Variants in TMEM94 observed in about 807,000 individuals in gnomAD.
The protein encoded by TMEM94 is transmembrane protein 94.
TMEM94 carries 81 observed loss-of-function variants against 158.6 expected under a neutral mutation model. That is an observed-to-expected ratio of 0.51 (90% confidence interval 0.43 to 0.61). The LOEUF (loss-of-function observed/expected upper bound fraction) is 0.61, where lower values mean the gene tolerates loss of function less well. TMEM94 is among the 20% of genes least tolerant of loss of function. The pLI, the probability that TMEM94 is intolerant of heterozygous loss-of-function variation, is 0.00. For missense variants in TMEM94, 1,435 were observed against 1,762.0 expected (o/e 0.81, Z 3.32); for synonymous variants, 751 against 730.7 (o/e 1.03, Z -0.45).
chr17:75,471,776 G>T, intron 1 of TMEM94, 24 bp from the exon 2 acceptor site: 2 of 907,590 alleles, frequency 2.2e-6, no homozygotes, highest in Non-Finnish European at 3.5e-6. Context: ...CAACCTGAGT[G>T]ATTTCTTTCT....
rs1243429894 is a variant in TMEM94 at position 75,488,020 on chromosome 17, C to G, written c.498C>G (p.His166Gln). The G allele has an allele frequency of 6.2e-7, 1 of 1,614,198 alleles. No homozygotes were observed. Among genetic ancestry groups the G allele is most frequent in the South Asian group, 1.1e-5 (1 of 91,076 alleles). Residue 166 changes from histidine (H) to glutamine (Q), a missense_variant, in exon 6 of 32, where the codon CAC (histidine) becomes CAG (glutamine). His to Gln is a conservative substitution (Grantham distance 24). Around this residue, in one of 3 missense-constraint regions of TMEM94, gnomAD observed 1,051 missense variants for 1,254.4 expected, o/e 0.84. Transcript: ENST00000314256. ...CTTTTGCGCCATCCTGGTCCTTGCA[C>G]TGGGCCTACAGAGACGGACACCTGG... ...HMPFAPSWSLHWAYRDGHLVN... is the reference protein window; with the variant it reads ...HMPFAPSWSLQWAYRDGHLVN...
chr17:75,465,679 A>ATATATATATATATATATATTTTTTTT (rs1247855961), intron 1 of TMEM94, among the ~76,000 whole-genome samples: 1 of 124,848 alleles, frequency 8.0e-6, no homozygotes, highest in Non-Finnish European at 1.6e-5. Flanking sequence ...ATATATATAT[A>ATATATATATATATATATATTTTTTTT]TTTTTTTTTA....
At chr17:75,458,011 A>G (rs1438662380) in intron 1 of TMEM94, among the ~76,000 whole-genome samples, 3 of 152,126 alleles carry the variant, frequency 2.0e-5, no homozygotes, top group African/African-American at 7.2e-5. Flanking sequence ...GCATTCAGTA[A>G]TTTTAAGAAG....
At chr17:75,464,600 TTCTTTCCTTCCTTTC>T (rs2050220366) in intron 1 of TMEM94, among the ~76,000 whole-genome samples, 1 of 59,970 alleles carries the variant, frequency 1.7e-5, no homozygotes, top group Non-Finnish European at 4.4e-5. Context: ...CTTTCTTTCT[TTCTTTCCTTCCTTTC>T]TTTCTTTCCT....
In TMEM94 at chr17:75,498,589, C is replaced by G. The variant is rs777230749; in HGVS notation, c.3734-40C>G. 1 of 1,613,042 alleles carries G rather than the reference C, an allele frequency of 6.2e-7. No individual in the cohort carries two copies. The highest frequency in any genetic ancestry group is 2.2e-5 in the East Asian group (1 of 44,882). ...GGATGATGGTGGGAGAGGAGCCCCA[C>G]TGTGGAAGTCTGACCCCCACATCGC... is the stretch of plus-strand genomic sequence containing the variant. On this transcript the variant is annotated intron_variant, in intron 29 of 31. Transcript: ENST00000314256. The surrounding 1 kb of genome is among the most constrained non-coding windows in gnomAD (Gnocchi z 6.7).
In TMEM94 at chr17:75,490,298, G is replaced by A. The variant is rs754191363; in HGVS notation, c.1019G>A (p.Cys340Tyr). The change falls in exon 10 of 32, where the codon TGT (cysteine) becomes TAT (tyrosine). Residue 340 changes from cysteine (C) to tyrosine (Y), a missense_variant. By Grantham distance (194) the Cys-to-Tyr change is radical (BLOSUM62 -2). Around this residue, in one of 3 missense-constraint regions of TMEM94, gnomAD observed 1,051 missense variants for 1,254.4 expected, o/e 0.84. Coordinates refer to ENST00000314256, the MANE Select transcript of TMEM94 (RefSeq NM_014738.6). ...FPVLWVLATA[C>Y]GEARVLAQMS... is the part of the protein sequence containing the mutation. The stretch of plus-strand genomic sequence containing the variant: ...GTCCTCTGGGTTCTGGCAACTGCCT[G>A]TGGAGAGGCCCGTGTCCTGGCCCAG... 1.9e-6 allele frequency: 3 copies of A among 1,614,110 alleles called. No homozygotes were observed. The South Asian group carries it at 3.3e-5, about 18-fold the overall frequency.
chr17:75,488,914 G>A lies in TMEM94; in HGVS notation c.764+4G>A, dbSNP rs200015410. The A allele has an allele frequency of 4.7e-4, 729 of 1,563,926 alleles. 1 individual carries two copies. Among genetic ancestry groups the A allele is most frequent in the Middle Eastern group, 2.7e-3 (16 of 5,822 alleles). On this transcript the variant is annotated splice_donor_region_variant and intron_variant, in intron 7 of 31. Transcript: ENST00000314256. ...CCCCTGTGATTGACAACATCAGGTA[G>A]GGGTGCTGCCCCGCCTCCTCCTGTC... is the stretch of plus-strand genomic sequence containing the variant.
In TMEM94 at chr17:75,498,168, C is replaced by T; in HGVS notation, c.3490-7C>T. 4.3e-6 allele frequency: 7 copies of T among 1,613,710 alleles called. No individual in the cohort carries two copies. The highest frequency in any genetic ancestry group is 1.6e-4 in the Middle Eastern group (1 of 6,062). ...CGCCCCAGGAGTGACTGGCCTTGTT[C>T]CCGCAGACCCAGCACTACTTCCTGC... On this transcript the variant is annotated splice_polypyrimidine_tract_variant and splice_region_variant and intron_variant, in intron 27 of 31. Transcript: ENST00000314256. This position sits in a 1 kb window ranked among gnomAD's most constrained non-coding sequence, Gnocchi z 6.7.
In TMEM94 at chr17:75,471,823, C is replaced by A. The variant is rs762188879; in HGVS notation, c.-83C>A. Reference sequence around the variant, plus strand: ...AGATGTTGTGACTGTGACAGACTCACTGGGGTTTGTACATGCTGGGGAGGA... The same window carrying A: ...AGATGTTGTGACTGTGACAGACTCAATGGGGTTTGTACATGCTGGGGAGGA... On this transcript the variant is annotated 5_prime_UTR_variant, in exon 2 of 32. In the 5' UTR this introduces an upstream ATG that the reference lacks. Transcript: ENST00000314256. The A allele has an allele frequency of 1.6e-5, 23 of 1,403,050 alleles. No individual in the cohort carries two copies. The East Asian group carries it at 4.8e-4, about 29-fold the overall frequency. The allele number at this position is 1,403,050 out of a possible 1,614,324, so 86.9% of individuals were successfully genotyped here.
intron 18 of TMEM94, among the ~76,000 whole-genome samples, chr17:75,494,179 G>A (rs2052475751): frequency 6.6e-6 from 1 of 152,198 alleles, no homozygotes; most frequent in Non-Finnish European, 1.5e-5. Flanking sequence ...GTATCAGAAT[G>A]CTTTCCTGGG....
rs1488760180 is a variant in TMEM94 at position 75,490,136 on chromosome 17, C to T, written c.955-98C>T. ...CTGCCCCTGAGAGAGCTGGCCCTTC[C>T]TGCCCAGGGAATGGCCGTGGGGCCA... is the stretch of plus-strand genomic sequence containing the variant. On this transcript the variant is annotated intron_variant, in intron 9 of 31. Coordinates refer to ENST00000314256, the MANE Select transcript of TMEM94 (RefSeq NM_014738.6). 2.6e-6 allele frequency: 4 copies of T among 1,512,712 alleles called. No homozygotes were observed. The African/African-American group carries it at 5.6e-5, about 21-fold the overall frequency. 93.7% of individuals were successfully genotyped at this position (1,512,712 alleles called of 1,614,324 possible).
intron 1 of TMEM94, among the ~76,000 whole-genome samples, chr17:75,462,016 T>TG (rs1259304399): frequency 1.6e-5 from 2 of 126,580 alleles, no homozygotes; most frequent in East Asian, 4.3e-4. Context: ...GTTTTGTTTT[T>TG]TTTTTTTTTG....
chr17:75,493,895 C>A lies in TMEM94; in HGVS notation c.2386C>A (p.Arg796Ser), dbSNP rs375448719. Residue 796 changes from arginine (R) to serine (S), a missense_variant, in exon 18 of 32, where the codon CGC (arginine) becomes AGC (serine). This residue lies in a region of TMEM94 where 1,051 missense variants were observed against 1,254.4 expected (regional missense o/e 0.84). Transcript: ENST00000314256. ...CATCCCCATCAAGCAGAACGCCCGC[C>A]GCAGCAGCTGGAGCTCTGACGGTAC... ...STIPIKQNAR[R>S]SSWSSDEGIG... 1 of 1,612,090 alleles carries A rather than the reference C, an allele frequency of 6.2e-7. No individual in the cohort carries two copies. The highest frequency in any genetic ancestry group is 1.3e-5 in the African/African-American group (1 of 74,912).
chr17:75,487,786 G>C lies in TMEM94; in HGVS notation c.410-146G>C. 1 of 655,700 alleles carries C rather than the reference G, an allele frequency of 1.5e-6. No homozygotes were observed. Among genetic ancestry groups the C allele is most frequent in the South Asian group, 1.9e-5 (1 of 53,086 alleles). 40.6% of individuals were successfully genotyped at this position (655,700 alleles called of 1,614,324 possible). A position where few individuals can be genotyped will look rare whatever the true frequency, so the allele number is the denominator to read the frequency against. On this transcript the variant is annotated intron_variant, in intron 5 of 31. Transcript: ENST00000314256. The surrounding 1 kb of genome is among the most constrained non-coding windows in gnomAD (Gnocchi z 4.6). ...ATAAGGGAGGCATCCTTGAAAGCAG[G>C]GAAGTGTTGGAACGAGTGGAGGGGT...
Position 75,490,764 on chromosome 17 carries a change from A to G in TMEM94, c.1128+6A>G, listed in dbSNP as rs765511216. 9 of 1,613,254 alleles carry G rather than the reference A, an allele frequency of 5.6e-6. No homozygotes were observed. The highest frequency in any genetic ancestry group is 7.6e-6 in the Non-Finnish European group (9 of 1,179,256). On this transcript the variant is annotated splice_donor_region_variant and intron_variant, in intron 11 of 31. Coordinates refer to ENST00000314256, the MANE Select transcript of TMEM94 (RefSeq NM_014738.6). ...CGGAGGCTGTCTCCTCTCAGGTACA[A>G]CACTGACCCGGGATGGCTTCTCTCG...
At chr17:75,493,363 G>A (rs2052385959) in intron 16 of TMEM94, 128 bp from the exon 17 acceptor site, 1 of 964,246 alleles carries the variant, frequency 1.0e-6, no homozygotes, top group African/African-American at 1.6e-5. Flanking sequence ...CTGTCCGTGA[G>A]TCCCAGGGAG....
chr17:75,457,357 A>G (rs937331408), intron 1 of TMEM94: 3 of 152,234 alleles, frequency 2.0e-5, no homozygotes, highest in African/African-American at 7.2e-5. Flanking sequence ...CTCCTGTGGA[A>G]TGCCCTCGTT....
rs771415609 is a variant in TMEM94 at position 75,491,885 on chromosome 17, AG to A, written c.1582del (p.Glu528LysfsTer29). The A allele has an allele frequency of 1.2e-6, 2 of 1,612,704 alleles. No individual in the cohort carries two copies. The highest frequency in any genetic ancestry group is 2.2e-5 in the South Asian group (2 of 90,910). Reference sequence around the variant, plus strand: ...TCAGCAGGGACACCGAGGGTGGTGAAGAAGAGCCCAGCAAGGTGACGGGAGG... The same window carrying A: ...TCAGCAGGGACACCGAGGGTGGTGAAAAGAGCCCAGCAAGGTGACGGGAGG... The part of the protein sequence containing the change: ...SFSRDTEGGE[E>X]EPSKTQPGME... On this transcript the variant is annotated frameshift_variant, in exon 14 of 32. Coordinates refer to ENST00000314256, the MANE Select transcript of TMEM94 (RefSeq NM_014738.6). LOFTEE classifies it high-confidence loss of function. This position sits in a 1 kb window ranked among gnomAD's most constrained non-coding sequence, Gnocchi z 5.1.
intron 2 of TMEM94, among the ~76,000 whole-genome samples, chr17:75,481,081 TCTC>T (rs2051123776): frequency 6.6e-6 from 1 of 152,188 alleles, no homozygotes; most frequent in Non-Finnish European, 1.5e-5. Flanking sequence ...AGGCCTATGG[TCTC>T]CTCTTCCTGT....
Sources: allele counts gnomAD v4.1 joint callset (sites outside exome capture counted in the v4.1 genomes callset), GRCh38; gene constraint gnomAD v4.1.1; regional missense constraint gnomAD v4.1.1; non-coding constraint Gnocchi (gnomAD v3.1); transcripts MANE v1.5; gene names NCBI Gene and HGNC (gene_info 2026-07-23, HGNC 2026-07-21).